The following CNTNAP2 variants were observed in gnomAD, a reference collection of about 807,000 sequenced individuals.
The protein encoded by CNTNAP2 is contactin associated protein 2, also known as contactin-associated protein-like 2.
In CNTNAP2, 98 loss-of-function variants were observed where a neutral mutation model predicts 155.2. The observed-to-expected ratio is 0.63, with a 90% CI of 0.54 to 0.75. CNTNAP2 has a LOEUF of 0.75. Ranked by LOEUF, CNTNAP2 falls within the 30% of genes least tolerant of loss-of-function variation. CNTNAP2 has a pLI of 0.00. For synonymous variants in CNTNAP2, 651 were observed against 631.2 expected, an observed-to-expected ratio of 1.03 and a Z score of -0.47; for missense variants, 1,727 against 1,688.1, an observed-to-expected ratio of 1.02 and a Z score of -0.40.
intron 8 of CNTNAP2, among the ~76,000 whole-genome samples, chr7:147,272,799 G>A (rs187409539): frequency 3.9e-5 from 6 of 151,922 alleles, no homozygotes; most frequent in Non-Finnish European, 5.9e-5. Flanking sequence ...GAGCCACTGC[G>A]CCTGGCCATG....
chr7:146,695,348 A>G (rs966745958), intron 1 of CNTNAP2, among the ~76,000 whole-genome samples: 5 of 152,146 alleles, frequency 3.3e-5, no homozygotes, highest in Non-Finnish European at 5.9e-5. Flanking sequence ...ATATGATTGT[A>G]TGATATTTCT....
intron 13 of CNTNAP2, among the ~76,000 whole-genome samples, chr7:147,778,649 C>T (rs1563085893): frequency 6.6e-6 from 1 of 152,024 alleles, no homozygotes; most frequent in Non-Finnish European, 1.5e-5. Flanking sequence ...TGCAGATGTT[C>T]CAGAAAAAAA....
At chr7:148,053,271 T>C (rs946804106) in intron 15 of CNTNAP2, among the ~76,000 whole-genome samples, 4 of 152,234 alleles carry the variant, frequency 2.6e-5, no homozygotes, top group African/African-American at 9.6e-5. Flanking sequence ...ATTTTCTTTA[T>C]GGTTTTCTGA....
chr7:148,161,939 A>ATACCCATG (rs1805552503), intron 17 of CNTNAP2, among the ~76,000 whole-genome samples: 2 of 152,088 alleles, frequency 1.3e-5, no homozygotes. Flanking sequence ...GATGGCTGAC[A>ATACCCATG]TACCCATGAG....
At chr7:147,446,151 G>A (rs937661471) in intron 10 of CNTNAP2, among the ~76,000 whole-genome samples, 3 of 146,542 alleles carry the variant, frequency 2.0e-5, no homozygotes, top group African/African-American at 7.6e-5. Context: ...TAACCTGTGA[G>A]TCTCTGTATG....
intron 10 of CNTNAP2, among the ~76,000 whole-genome samples, chr7:147,397,253 G>A (rs1796832061): frequency 1.3e-5 from 2 of 151,914 alleles, no homozygotes; most frequent in South Asian, 2.1e-4. Context: ...TAATTATTGA[G>A]CCATTAATAA....
rs866006515 is a variant in CNTNAP2 at position 147,176,694 on chromosome 7, T to A, written c.1348+44185T>A. ...GTATTTTATATAATATATAATAGAATTATATATTATATATAATAGAATTAT... is the reference window on the plus strand; with the variant it reads ...GTATTTTATATAATATATAATAGAAATATATATTATATATAATAGAATTAT... On this transcript the variant is annotated intron_variant, in intron 8 of 23. Transcript: ENST00000361727. Among the ~76,000 whole-genome samples the A allele has an allele frequency of 1.6e-3, 68 of 43,770 alleles. 1 individual carries two copies. The highest frequency in any genetic ancestry group is 2.3e-3 in the South Asian group (2 of 872). 28.7% of individuals were successfully genotyped at this position (43,770 alleles called of 152,430 possible). A position where few individuals can be genotyped will look rare whatever the true frequency, so the allele number is the denominator to read the frequency against.
intron 1 of CNTNAP2, among the ~76,000 whole-genome samples, chr7:146,225,218 A>C (rs1201118583): frequency 2.0e-5 from 3 of 152,144 alleles, no homozygotes; most frequent in Non-Finnish European, 4.4e-5. Flanking sequence ...AACTCGAAAC[A>C]CTGATGAGTA....
rs1801330113 is a variant in CNTNAP2 at position 146,339,115 on chromosome 7, G to GTC, written c.97+222148_97+222149dup. ...CAGGAGAATCCCTTGAACCTGGGAG[G>GTC]TCTCTCTGTCTCTCTCAGTCATTAT... On this transcript the variant is annotated intron_variant, in intron 1 of 23. Transcript: ENST00000361727. 5.9e-5 allele frequency among the ~76,000 whole-genome samples: 9 copies of GTC among 152,186 alleles called. No homozygotes were observed. The South Asian group carries it at 1.7e-3, about 28-fold the overall frequency.
At chr7:147,787,894 A>G (rs1797762819) in intron 13 of CNTNAP2, among the ~76,000 whole-genome samples, 3 of 152,368 alleles carry the variant, frequency 2.0e-5, no homozygotes, top group East Asian at 3.9e-4. Context: ...AGCAAAATGT[A>G]TAAGATTTTG....
At chr7:146,742,228 T>G (rs1329537337) in intron 1 of CNTNAP2, among the ~76,000 whole-genome samples, 2 of 152,172 alleles carry the variant, frequency 1.3e-5, no homozygotes, top group African/African-American at 4.8e-5. Context: ...ATAAATAACA[T>G]TTATCTAAAG....
intron 1 of CNTNAP2, among the ~76,000 whole-genome samples, chr7:146,550,680 A>G (rs756553864): frequency 6.6e-5 from 10 of 152,042 alleles, no homozygotes; most frequent in African/African-American, 2.4e-4. Flanking sequence ...AAGTATTAAG[A>G]CGTTTTATAT....
chr7:146,969,562 G>A (rs1195417921), intron 3 of CNTNAP2, among the ~76,000 whole-genome samples: 1 of 152,128 alleles, frequency 6.6e-6, no homozygotes, highest in East Asian at 1.9e-4. Flanking sequence ...TTACCATTAT[G>A]TAATGGCCTT....
chr7:147,215,616 GT>G (rs1803251384), intron 8 of CNTNAP2, among the ~76,000 whole-genome samples: 1 of 152,042 alleles, frequency 6.6e-6, no homozygotes. Flanking sequence ...TTGCTTCCAA[GT>G]TTTGACAATT....
intron 10 of CNTNAP2, among the ~76,000 whole-genome samples, chr7:147,425,321 A>C (rs1797361497): frequency 6.6e-6 from 1 of 152,072 alleles, no homozygotes; most frequent in South Asian, 2.1e-4. Flanking sequence ...AGGTATGAAA[A>C]ATAGAGAGGA....
rs908876369 is a variant in CNTNAP2 at position 147,159,818 on chromosome 7, G to A, written c.1348+27309G>A. On this transcript the variant is annotated intron_variant, in intron 8 of 23. Coordinates refer to ENST00000361727, the MANE Select transcript of CNTNAP2 (RefSeq NM_014141.6). ...TACCAACTCACAATATGTGAGGAGG[G>A]CATATCACTGCCTCCGAAACTGATA... Among the ~76,000 whole-genome samples the A allele has an allele frequency of 7.9e-5, 12 of 152,228 alleles. No homozygotes were observed. The East Asian group carries it at 1.7e-3, about 22-fold the overall frequency.
At chr7:148,058,348 A>G (rs1040895765) in intron 15 of CNTNAP2, among the ~76,000 whole-genome samples, 1 of 152,106 alleles carries the variant, frequency 6.6e-6, no homozygotes, top group Admixed American at 6.6e-5. Context: ...CAGTGGGGAG[A>G]AACCATCCCC....
intron 3 of CNTNAP2, among the ~76,000 whole-genome samples, chr7:147,024,140 A>T (rs954741483): frequency 1.3e-5 from 2 of 152,212 alleles, no homozygotes; most frequent in South Asian, 2.1e-4. Flanking sequence ...CAAGAAATTT[A>T]AAAAATGGAC....
At chr7:148,288,353 C>A (rs1231473782) in intron 21 of CNTNAP2, among the ~76,000 whole-genome samples, 1 of 152,102 alleles carries the variant, frequency 6.6e-6, no homozygotes, top group Non-Finnish European at 1.5e-5. Context: ...CCCGCCTCAT[C>A]CTCCCAAAGT....
Sources: gnomAD v4.1 joint callset for allele counts (sites outside exome capture counted in the v4.1 genomes callset) on GRCh38, gnomAD v4.1.1 for gene constraint, MANE v1.5 for transcripts, NCBI Gene and HGNC (gene_info 2026-07-23, HGNC 2026-07-21) for gene names.